Variants in CCDC30 observed in about 807,000 individuals in gnomAD.
CCDC30 encodes coiled-coil domain containing 30.
In CCDC30, 70 loss-of-function variants were observed where a neutral mutation model predicts 100.2. The observed-to-expected ratio is 0.70, with a 90% CI of 0.58 to 0.85. The LOEUF (loss-of-function observed/expected upper bound fraction) is 0.85. CCDC30 is among the 40% of genes least tolerant of loss of function. The pLI is 0.00. For missense variants in CCDC30, 652 were observed against 771.2 expected, an observed-to-expected ratio of 0.85 and a Z score of 1.83; for synonymous variants, 233 against 269.5, an observed-to-expected ratio of 0.86 and a Z score of 1.33.
intron 7 of CCDC30, among the ~76,000 whole-genome samples, chr1:42,566,699 C>G (rs1030071155): frequency 6.6e-6 from 1 of 152,112 alleles, no homozygotes; most frequent in African/African-American, 2.4e-5. Context: ...CTTCTGAAAA[C>G]ACTATCTAAA....
upstream of CCDC30, among the ~76,000 whole-genome samples, chr1:42,463,027 T>C (rs1377015423): frequency 6.6e-6 from 1 of 152,286 alleles, no homozygotes; most frequent in African/African-American, 2.4e-5. Flanking sequence ...CTTTGAGAGC[T>C]AGAACGCCCC....
At chr1:42,525,513 G>T (rs1220470228) in intron 6 of CCDC30, among the ~76,000 whole-genome samples, 1 of 151,710 alleles carries the variant, frequency 6.6e-6, no homozygotes, top group Non-Finnish European at 1.5e-5. Context: ...TATTCATTAG[G>T]TCTCTTAAAA....
chr1:42,483,425 A>T (rs551402636), intron 3 of CCDC30, among the ~76,000 whole-genome samples: 51 of 152,352 alleles, frequency 3.3e-4, no homozygotes, highest in African/African-American at 1.2e-3. Context: ...ATCAAAGGGC[A>T]GGTTCTACTT....
At chr1:42,621,806 C>T (rs527726260) in intron 11 of CCDC30, among the ~76,000 whole-genome samples, 2 of 151,674 alleles carry the variant, frequency 1.3e-5, no homozygotes, top group South Asian at 2.1e-4. Context: ...CCACCGCGCC[C>T]GGCCTAATTT....
intron 10 of CCDC30, chr1:42,592,821 A>G (rs72637937): frequency 0.2 from 30,532 of 152,086 alleles, 3,364 homozygotes; most frequent in South Asian, 0.42. Context: ...CTCCCACTTC[A>G]CCTACCATCA....
At chr1:42,568,789 A>C (rs1393978585) in intron 7 of CCDC30, among the ~76,000 whole-genome samples, 2 of 151,728 alleles carry the variant, frequency 1.3e-5, no homozygotes, top group East Asian at 1.9e-4. Flanking sequence ...AAAAAAAAAA[A>C]AGAGTTAGCC....
At chr1:42,555,444 ATCC>A (rs1645349734) in intron 6 of CCDC30, among the ~76,000 whole-genome samples, 2 of 152,256 alleles carry the variant, frequency 1.3e-5, no homozygotes, top group South Asian at 2.1e-4. Flanking sequence ...CTCATTTCTT[ATCC>A]TCATTCATCA....
intron 6 of CCDC30, among the ~76,000 whole-genome samples, chr1:42,547,921 T>C (rs959877470): frequency 1.7e-4 from 26 of 152,212 alleles, no homozygotes; most frequent in Admixed American, 1.6e-3. Context: ...TACTGAGTAC[T>C]ATGGGAACAC....
At chr1:42,634,271 A>C (rs1017380712) in intron 11 of CCDC30, among the ~76,000 whole-genome samples, 2 of 147,342 alleles carry the variant, frequency 1.4e-5, no homozygotes, top group Admixed American at 6.7e-5. Context: ...AAAAAAAAAA[A>C]AAACAAAACA....
chr1:42,648,397 G>A (rs150528835), intron 15 of CCDC30, among the ~76,000 whole-genome samples: 28 of 152,234 alleles, frequency 1.8e-4, no homozygotes, highest in East Asian at 1.5e-3. Context: ...CAGGCCGGGC[G>A]CAGTGGCTCA....
the CCDC30 span, chr1:42,457,001 G>A: frequency 1.2e-6 from 2 of 1,602,274 alleles, no homozygotes; most frequent in East Asian, 2.2e-5. Flanking sequence ...CACCTTCCTG[G>A]CAGTAGAGTT....
chr1:42,563,281 G>A (rs1220496422), intron 6 of CCDC30, among the ~76,000 whole-genome samples: 1 of 152,122 alleles, frequency 6.6e-6, no homozygotes, highest in Non-Finnish European at 1.5e-5. Context: ...GCCATAAAAA[G>A]GAATGATATC....
intron 7 of CCDC30, among the ~76,000 whole-genome samples, chr1:42,576,044 G>C (rs577756982): frequency 2.0e-5 from 3 of 152,226 alleles, no homozygotes; most frequent in Non-Finnish European, 4.4e-5. Flanking sequence ...ACAAGGGCCA[G>C]AGTGTACAAA....
At chr1:42,462,549 T>C (rs529497902), upstream of CCDC30, among the ~76,000 whole-genome samples, 11 of 152,036 alleles carry the variant, frequency 7.2e-5, no homozygotes, top group Admixed American at 2.0e-4. Flanking sequence ...GGAACTAGAG[T>C]AAGACCAAGA....
intron 8 of CCDC30, among the ~76,000 whole-genome samples, chr1:42,577,582 T>C (rs1336291466): frequency 6.6e-6 from 1 of 152,212 alleles, no homozygotes; most frequent in Non-Finnish European, 1.5e-5. Context: ...ATTTTGTTTT[T>C]TTCATTGACA....
intron 6 of CCDC30, among the ~76,000 whole-genome samples, chr1:42,563,575 T>C (rs1645540929): frequency 6.6e-6 from 1 of 152,082 alleles, no homozygotes; most frequent in Non-Finnish European, 1.5e-5. Context: ...CTGGTTTTTT[T>C]TAGAAGAAAT....
intron 9 of CCDC30, among the ~76,000 whole-genome samples, chr1:42,585,795 T>C (rs1646057355): frequency 6.6e-6 from 1 of 152,180 alleles, no homozygotes; most frequent in South Asian, 2.1e-4. Context: ...TCATGTATTA[T>C]TTAGAAGTGT....
At chr1:42,631,723 T>A (rs1300868108) in intron 11 of CCDC30, among the ~76,000 whole-genome samples, 1 of 152,152 alleles carries the variant, frequency 6.6e-6, no homozygotes, top group Non-Finnish European at 1.5e-5. Flanking sequence ...TCTTCCCGTT[T>A]CCAAAGGTAG....
intron 4 of CCDC30, among the ~76,000 whole-genome samples, chr1:42,495,022 C>T (rs61777375): frequency 3.1e-5 from 4 of 129,564 alleles, no homozygotes; most frequent in South Asian, 2.9e-4. Flanking sequence ...ACCCAAAGGA[C>T]TATAAATCAT....
Sources: gnomAD v4.1 joint callset for allele counts (sites outside exome capture counted in the v4.1 genomes callset) on GRCh38, gnomAD v4.1.1 for gene constraint, MANE v1.5 for transcripts, NCBI Gene and HGNC (gene_info 2026-07-23, HGNC 2026-07-21) for gene names.